The following BCL2L14 variants were observed in gnomAD, a reference collection of about 807,000 sequenced individuals.
BCL2L14 encodes the protein BCL2 like 14, also known as apoptosis facilitator Bcl-2-like protein 14.
In BCL2L14, 27 loss-of-function variants were observed where a neutral mutation model predicts 35.3. That is an observed-to-expected ratio of 0.76 (90% CI 0.56 to 1.05). BCL2L14 has a LOEUF of 1.05. Among genes scored for constraint, BCL2L14 ranks in the 50% least tolerant of loss-of-function variants. The probability of loss-of-function intolerance (pLI) is 0.00; values close to 1 mark genes in which losing one functional copy is unlikely to be tolerated. For missense variants in BCL2L14, 377 were observed against 382.6 expected, an observed-to-expected ratio of 0.99 and a Z score of 0.12; for synonymous variants, 139 against 145.9, an observed-to-expected ratio of 0.95 and a Z score of 0.34.
chr12:12,061,359 T>C (rs928178019), intron 2 of BCL2L14, among the ~76,000 whole-genome samples: 2 of 151,362 alleles, frequency 1.3e-5, no homozygotes, highest in South Asian at 2.1e-4. Flanking sequence ...TCACCCTTAC[T>C]CCGCTCAATG....
chr12:12,061,934 A>G (rs1410421100), intron 2 of BCL2L14, among the ~76,000 whole-genome samples: 5 of 152,232 alleles, frequency 3.3e-5, no homozygotes, highest in African/African-American at 4.8e-5. Flanking sequence ...TGGTTAGTGC[A>G]GTCCGAATTC....
At chr12:12,076,260 G>A (rs370285483) in intron 1 of BCL2L14, among the ~76,000 whole-genome samples, 2 of 151,990 alleles carry the variant, frequency 1.3e-5, no homozygotes, top group East Asian at 1.9e-4. Context: ...GCGGGAAGGG[G>A]TAAGTGGAAA....
intron 2 of BCL2L14, among the ~76,000 whole-genome samples, chr12:12,083,371 A>G (rs1948970563): frequency 1.3e-5 from 2 of 152,110 alleles, no homozygotes; most frequent in South Asian, 4.1e-4. Flanking sequence ...CCAAGACCAA[A>G]CTCTGTTAGG....
rs201234288 is a variant in BCL2L14 at position 12,090,476 on chromosome 12, CA to C, written c.608-296del. Reference sequence around the variant, plus strand: ...GAAACCTGGGTTTCTAGTAAAAATACAAAAAAATTAGCCAGGCGTGGTGGCA... The same window carrying C: ...GAAACCTGGGTTTCTAGTAAAAATACAAAAAATTAGCCAGGCGTGGTGGCA... On this transcript the variant is annotated intron_variant, in intron 3 of 5. Transcript: ENST00000308721. 7.8e-4 allele frequency among the ~76,000 whole-genome samples: 119 copies of C among 151,606 alleles called. 3 individuals are homozygous for C. In the East Asian group the frequency reaches 0.022, roughly 28 times the overall value.
upstream of BCL2L14, among the ~76,000 whole-genome samples, chr12:12,070,483 G>C (rs1345862815): frequency 1.3e-5 from 2 of 152,050 alleles, no homozygotes; most frequent in Non-Finnish European, 2.9e-5. Context: ...CCAGGAGTTC[G>C]AGACCAACAT....
intron 5 of BCL2L14, among the ~76,000 whole-genome samples, chr12:12,096,851 C>T (rs1175939159): frequency 3.9e-5 from 6 of 152,188 alleles, no homozygotes; most frequent in Non-Finnish European, 7.3e-5. Context: ...TATGAAGTTA[C>T]CAATTCCAGG....
At chr12:12,053,445 A>T (rs1948387552) in intron 2 of BCL2L14, among the ~76,000 whole-genome samples, 1 of 147,690 alleles carries the variant, frequency 6.8e-6, no homozygotes, top group Non-Finnish European at 1.5e-5. Context: ...TTTGAGACGA[A>T]GTTTCACTCT....
chr12:12,080,001 G>A lies in BCL2L14; in HGVS notation c.433+263G>A, dbSNP rs542120161. Among the ~76,000 whole-genome samples, 344 of 152,062 alleles carry A rather than the reference G, an allele frequency of 2.3e-3. 5 individuals are homozygous for A. Among genetic ancestry groups the A allele is most frequent in the South Asian group, 6.0e-3 (29 of 4,810 alleles). On this transcript the variant is annotated intron_variant, in intron 2 of 5. Transcript: ENST00000308721. ...GGGTGGATCATGAGGTCAGGAGATTGAGACCATCCTGGCTAACACGGTAAA... is the reference window on the plus strand; with the variant it reads ...GGGTGGATCATGAGGTCAGGAGATTAAGACCATCCTGGCTAACACGGTAAA...
At chr12:12,078,263 G>C (rs1056564289) in intron 1 of BCL2L14, among the ~76,000 whole-genome samples, 2 of 152,138 alleles carry the variant, frequency 1.3e-5, no homozygotes, top group Admixed American at 6.6e-5. Flanking sequence ...AAGAAAGAGA[G>C]AGAGAGAGGA....
chr12:12,060,379 A>G (rs1431368777), intron 2 of BCL2L14, among the ~76,000 whole-genome samples: 25 of 84,296 alleles, frequency 3.0e-4, no homozygotes, highest in East Asian at 5.3e-4. Flanking sequence ...TTACAGCCCT[A>G]GACCCTAAAA....
In BCL2L14 at chr12:12,095,738, C is replaced by A. The variant is rs147661390; in HGVS notation, c.945+808C>A. The A allele has an allele frequency of 4.5e-3, 4,463 of 985,354 alleles. 40 individuals are homozygous for A. The highest frequency in any genetic ancestry group is 0.037 in the South Asian group (785 of 21,270). The allele number at this position is 985,354 out of a possible 1,614,324, so 61.0% of individuals were successfully genotyped here. ...TCGGCTCTAGGCATGGCTGGAGTGA[C>A]CCTGGGACCTCCACACAGCCTTGGT... On this transcript the variant is annotated intron_variant, in intron 5 of 5. Transcript: ENST00000308721.
chr12:12,055,666 T>G (rs900057061), intron 2 of BCL2L14: 3 of 152,160 alleles, frequency 2.0e-5, no homozygotes, highest in African/African-American at 7.2e-5. Context: ...CATTTCCAAC[T>G]GAGACTGTTT....
chr12:12,086,733 G>A (rs993312920), intron 2 of BCL2L14, among the ~76,000 whole-genome samples: 11 of 152,238 alleles, frequency 7.2e-5, no homozygotes, highest in Non-Finnish European at 1.6e-4. Flanking sequence ...GAATCTCATT[G>A]CCCTGAGAGC....
At chr12:12,056,425 A>G (rs1293018839) in intron 2 of BCL2L14, among the ~76,000 whole-genome samples, 1 of 152,188 alleles carries the variant, frequency 6.6e-6, no homozygotes, top group Non-Finnish European at 1.5e-5. Context: ...ATCTATAGTA[A>G]GAAGCAGAAT....
intron 4 of BCL2L14, among the ~76,000 whole-genome samples, chr12:12,091,785 G>A (rs987792733): frequency 6.6e-6 from 1 of 152,216 alleles, no homozygotes; most frequent in Non-Finnish European, 1.5e-5. Context: ...ACCACAAGTA[G>A]AGGGTGGAGA....
intron 4 of BCL2L14, among the ~76,000 whole-genome samples, chr12:12,092,305 GCT>G (rs796977529): frequency 1.1e-4 from 16 of 152,342 alleles, no homozygotes; most frequent in African/African-American, 3.6e-4. Flanking sequence ...TTTGCCTGGT[GCT>G]CTCTCTTAAG....
chr12:12,073,254 C>T (rs1948706014), intron 1 of BCL2L14, among the ~76,000 whole-genome samples: 1 of 152,234 alleles, frequency 6.6e-6, no homozygotes. Context: ...TCTCCAGGCT[C>T]TTGTGGCGGA....
intron 2 of BCL2L14, among the ~76,000 whole-genome samples, chr12:12,064,273 A>G (rs564319347): frequency 6.6e-6 from 1 of 151,618 alleles, no homozygotes; most frequent in East Asian, 2.0e-4. Flanking sequence ...GACTACAGGC[A>G]TGCAGTACCA....
Position 12,098,976 on chromosome 12 carries a change from A to C in BCL2L14, c.972A>C (p.Glu324Asp). The C allele has an allele frequency of 6.2e-7, 1 of 1,600,924 alleles. No homozygotes were observed. The highest frequency in any genetic ancestry group is 2.2e-5 in the East Asian group (1 of 44,824). ...AAAAAATACTTGGGATATCACATGA[A>C]GAAGTAGACTGAAATATCAGATTTG... ...GWEKILGISH[E>D]EVD The change falls in exon 6 of 6, where the codon GAA becomes GAC. Residue 324 changes from glutamate to aspartate, a missense_variant. By Grantham distance (45) the Glu-to-Asp change is conservative. Coordinates refer to ENST00000308721, the MANE Select transcript of BCL2L14 (RefSeq NM_138723.2).
Sources: allele counts gnomAD v4.1 joint callset (sites outside exome capture counted in the v4.1 genomes callset), GRCh38; gene constraint gnomAD v4.1.1; transcripts MANE v1.5; gene names NCBI Gene and HGNC (gene_info 2026-07-23, HGNC 2026-07-21).